Variants in CNTNAP5 observed in about 807,000 individuals in gnomAD.
CNTNAP5 encodes contactin associated protein family member 5.
A neutral mutation model predicts 150.2 loss-of-function variants in CNTNAP5; 72 were observed. The observed-to-expected ratio is 0.48, with a 90% CI of 0.40 to 0.58. The LOEUF (loss-of-function observed/expected upper bound fraction) is 0.58. Ranked by LOEUF, CNTNAP5 falls within the 20% of genes least tolerant of loss-of-function variation. CNTNAP5 has a pLI of 0.00. For synonymous variants in CNTNAP5, 672 were observed against 619.8 expected (o/e 1.08, Z -1.25); for missense variants, 1,636 against 1,626.2 (o/e 1.01, Z -0.10).
At chr2:124,328,056 T>C (rs1689263978) in intron 3 of CNTNAP5, among the ~76,000 whole-genome samples, 1 of 152,114 alleles carries the variant, frequency 6.6e-6, no homozygotes, top group South Asian at 2.1e-4. Context: ...AAAAGAATGT[T>C]TTAAGAAAAA....
intron 3 of CNTNAP5, among the ~76,000 whole-genome samples, chr2:124,414,873 G>A (rs116385418): frequency 0.012 from 1,774 of 152,134 alleles, 26 homozygotes; most frequent in African/African-American, 0.04. Context: ...TGGGGAGGTG[G>A]GATATGGTGC....
At chr2:124,710,087 A>G (rs531737490) in intron 13 of CNTNAP5, among the ~76,000 whole-genome samples, 1 of 152,016 alleles carries the variant, frequency 6.6e-6, no homozygotes, top group African/African-American at 2.4e-5. Context: ...GCTGGAATTC[A>G]GAGTTTGACA....
intron 1 of CNTNAP5, among the ~76,000 whole-genome samples, chr2:124,203,305 C>T (rs983368563): frequency 6.6e-6 from 1 of 152,154 alleles, no homozygotes; most frequent in Non-Finnish European, 1.5e-5. Flanking sequence ...GGCAGCTCCA[C>T]CCCTTGTGAC....
chr2:124,532,281 G>A (rs1695127289), intron 10 of CNTNAP5, among the ~76,000 whole-genome samples: 3 of 152,118 alleles, frequency 2.0e-5, no homozygotes, highest in African/African-American at 7.2e-5. Flanking sequence ...TATGCAATAT[G>A]TCAGATTCTT....
chr2:124,372,713 T>A (rs1269689727), intron 3 of CNTNAP5, among the ~76,000 whole-genome samples: 1 of 152,068 alleles, frequency 6.6e-6, no homozygotes, highest in East Asian at 1.9e-4. Context: ...TGCTTACGAA[T>A]GTGTGGAGTA....
intron 8 of CNTNAP5, among the ~76,000 whole-genome samples, chr2:124,510,876 C>A (rs181555693): frequency 2.0e-5 from 3 of 152,238 alleles, no homozygotes; most frequent in Admixed American, 2.0e-4. Context: ...ATCTGAAAAT[C>A]CATTTAGGCA....
chr2:124,770,212 G>C (rs1244173083), intron 16 of CNTNAP5, among the ~76,000 whole-genome samples: 1 of 152,170 alleles, frequency 6.6e-6, no homozygotes. Flanking sequence ...AGAACTTCCT[G>C]TATACAAGGC....
intron 3 of CNTNAP5, among the ~76,000 whole-genome samples, chr2:124,299,526 T>C (rs1573900536): frequency 6.6e-6 from 1 of 152,314 alleles, no homozygotes; most frequent in Middle Eastern, 3.4e-3. Flanking sequence ...TCTCATTCTT[T>C]TTTATGGCTG....
At chr2:124,107,371 G>T (rs1261829503) in intron 1 of CNTNAP5, among the ~76,000 whole-genome samples, 1 of 152,160 alleles carries the variant, frequency 6.6e-6, no homozygotes, top group Non-Finnish European at 1.5e-5. Flanking sequence ...AACCATATAG[G>T]AAAGGGAAAT....
At chr2:124,850,521 A>T (rs555345549) in intron 19 of CNTNAP5, among the ~76,000 whole-genome samples, 9 of 152,314 alleles carry the variant, frequency 5.9e-5, no homozygotes, top group African/African-American at 1.9e-4. Context: ...CCCTTGAACC[A>T]TTAGAGGACA....
At chr2:124,724,584 A>T (rs1680117670) in intron 13 of CNTNAP5, among the ~76,000 whole-genome samples, 1 of 151,982 alleles carries the variant, frequency 6.6e-6, no homozygotes, top group South Asian at 2.1e-4. Context: ...AAGTCTGAAG[A>T]CACAGTTGAG....
At chr2:124,336,412 T>C (rs1257981916) in intron 3 of CNTNAP5, among the ~76,000 whole-genome samples, 1 of 152,026 alleles carries the variant, frequency 6.6e-6, no homozygotes, top group East Asian at 1.9e-4. Flanking sequence ...TTAGGGTACA[T>C]GTGCATAACG....
rs568265780 is a variant in CNTNAP5, at chr2:124,304,083, C to A, written c.381+61690C>A. ...TCATAAATTTTATTAATGCCAGGAA[C>A]TATGCTAGGTCCTAGGGAGATATGA... On this transcript the variant is annotated intron_variant, in intron 3 of 23. Coordinates refer to ENST00000682447, the MANE Select transcript of CNTNAP5 (RefSeq NM_001367498.1). Among the ~76,000 whole-genome samples, 3 of 152,202 alleles carry A rather than the reference C, an allele frequency of 2.0e-5. No homozygotes were observed. In the East Asian group the frequency reaches 5.8e-4, roughly 29 times the overall value.
At chr2:124,424,210 C>G (rs185677742) in intron 4 of CNTNAP5, among the ~76,000 whole-genome samples, 1 of 152,304 alleles carries the variant, frequency 6.6e-6, no homozygotes, top group East Asian at 1.9e-4. Flanking sequence ...CAGCTGCCCT[C>G]TTTGTTGCTG....
intron 3 of CNTNAP5, among the ~76,000 whole-genome samples, chr2:124,340,809 G>GTATATATATA (rs138288829): frequency 9.8e-5 from 14 of 142,968 alleles, no homozygotes; most frequent in Non-Finnish European, 1.7e-4. Context: ...ATGTATACAT[G>GTATATATATA]TATATATATA....
intron 1 of CNTNAP5, among the ~76,000 whole-genome samples, chr2:124,130,347 A>G (rs529042195): frequency 5.3e-5 from 8 of 151,746 alleles, no homozygotes; most frequent in Non-Finnish European, 1.0e-4. Flanking sequence ...CCTGTTGCCA[A>G]ATCTCTGGGC....
chr2:124,033,233 T>C (rs139200756), intron 1 of CNTNAP5, among the ~76,000 whole-genome samples: 30 of 152,316 alleles, frequency 2.0e-4, no homozygotes, highest in African/African-American at 7.0e-4. Flanking sequence ...ATGTTGAAGA[T>C]AGAAAGAAAG....
chr2:124,767,889 G>A (rs1411042262), intron 16 of CNTNAP5, among the ~76,000 whole-genome samples: 1 of 152,200 alleles, frequency 6.6e-6, no homozygotes, highest in Non-Finnish European at 1.5e-5. Context: ...CTCCATCATG[G>A]TGGAGCTGCA....
intron 3 of CNTNAP5, among the ~76,000 whole-genome samples, chr2:124,290,879 T>C (rs1688271844): frequency 6.6e-5 from 2 of 30,108 alleles, no homozygotes; most frequent in South Asian, 1.2e-3. Context: ...CCTTCCTTTA[T>C]TTATTTATTT....
Sources: allele counts gnomAD v4.1 joint callset (sites outside exome capture counted in the v4.1 genomes callset), GRCh38; gene constraint gnomAD v4.1.1; transcripts MANE v1.5; gene names NCBI Gene and HGNC (gene_info 2026-07-23, HGNC 2026-07-21).